The following FBN3 variants were observed in gnomAD, a reference collection of about 807,000 sequenced individuals.
FBN3 encodes the protein fibrillin 3.
Under a neutral mutation model 330.1 loss-of-function variants are expected in FBN3, and 234 were observed. The observed-to-expected ratio is 0.71, with a 90% CI of 0.64 to 0.79. The LOEUF is 0.79. FBN3 is among the 30% of genes least tolerant of loss of function. The pLI is 0.00. For synonymous variants in FBN3, 1,458 were observed against 1,517.3 expected (o/e 0.96, Z 0.91); for missense variants, 3,606 against 3,886.9 (o/e 0.93, Z 1.92).
chr19:8,069,779 G>A, intron 63 of FBN3, among the ~76,000 whole-genome samples: 1 of 152,086 alleles, frequency 6.6e-6, no homozygotes, highest in Non-Finnish European at 1.5e-5. Flanking sequence ...AGGTGGAGGG[G>A]GTCTCACTAT....
intron 32 of FBN3, 142 bp from the exon 33 acceptor site, chr19:8,111,325 G>T (rs887981213): frequency 1.8e-6 from 2 of 1,091,134 alleles, no homozygotes; most frequent in Non-Finnish European, 2.6e-6. Context: ...TCCCTGACTT[G>T]GGGGTGGGAG....
chr19:8,139,954 C>G (rs1430897647), intron 8 of FBN3, among the ~76,000 whole-genome samples: 2 of 151,766 alleles, frequency 1.3e-5, no homozygotes, highest in Non-Finnish European at 2.9e-5. Flanking sequence ...ACCTGGGGGC[C>G]CCCCAGGTAC....
intron 18 of FBN3, among the ~76,000 whole-genome samples, chr19:8,128,100 C>T (rs902034905): frequency 6.6e-6 from 1 of 152,208 alleles, no homozygotes; most frequent in African/African-American, 2.4e-5. Flanking sequence ...TGTGGAACTT[C>T]CGTGCCTGCT....
Position 8,111,025 on chromosome 19 carries a change from C to T in FBN3, c.4210+33G>A, listed in dbSNP as rs759602351. The T allele has an allele frequency of 3.7e-6, 6 of 1,613,838 alleles. No individual in the cohort carries two copies. The South Asian group carries it at 5.5e-5, about 15-fold the overall frequency. On this transcript the variant is annotated intron_variant, in intron 33 of 63. Transcript: ENST00000600128. ...AGAGTCTGCAGGGGGGACCTACCCA[C>T]TCTGTCCTCTGCCCTGGCGGGCCCA...
At chr19:8,070,003 C>G (rs889049202) in intron 63 of FBN3, among the ~76,000 whole-genome samples, 1 of 152,204 alleles carries the variant, frequency 6.6e-6, no homozygotes, top group Non-Finnish European at 1.5e-5. Context: ...CCCTGACAAC[C>G]ACTCACTCAC....
rs201012994 is a variant in FBN3 at position 8,106,175 on chromosome 19, C to T, written c.4746G>A (p.Thr1582=). Residue 1582 remains threonine, a synonymous_variant, in exon 38 of 64, where the codon ACG becomes ACA. Transcript: ENST00000600128. ...GGCACTCACACTGGAAACTGCCAAA[C>T]GTGTTGACGCAGTCACCCCCCTGAC... ...GLCQGGDCVN[T]FGSFQCECPP... is the part of the protein sequence containing the mutation. The T allele has an allele frequency of 6.0e-5, 97 of 1,614,138 alleles. No individual in the cohort carries two copies. Among genetic ancestry groups the T allele is most frequent in the East Asian group, 2.5e-4 (11 of 44,878 alleles).
rs1286925922 is a variant in FBN3 at position 8,146,140 on chromosome 19, G to A, written c.336C>T (p.Cys112=). 6 of 1,595,986 alleles carry A rather than the reference G, an allele frequency of 3.8e-6. No individual in the cohort carries two copies. The highest frequency in any genetic ancestry group is 1.8e-5 in the Admixed American group (1 of 56,540). The change falls in exon 4 of 64, where the codon TGC becomes TGT. Residue 112 remains cysteine, a synonymous_variant. Transcript: ENST00000600128. The part of the protein sequence containing the change: ...TCADGTLAPS[C]GVSRGSGCSV... ...CTTCCCGCTCACCTCGGCTCACCCC[G>A]CAGCTGGGAGCCAGCGTCCCATCCG...
At chr19:8,093,884 C>T (rs1230042097) in intron 47 of FBN3, among the ~76,000 whole-genome samples, 1 of 152,116 alleles carries the variant, frequency 6.6e-6, no homozygotes, top group Non-Finnish European at 1.5e-5. Context: ...AGATGGAAGC[C>T]TGGATCAGAG....
intron 6 of FBN3, 82 bp from the exon 7 acceptor site, chr19:8,142,219 G>T: frequency 1.8e-6 from 2 of 1,116,644 alleles, no homozygotes; most frequent in Non-Finnish European, 2.6e-6. Context: ...CTTCTCAGCG[G>T]CCCCTGCACC....
At chr19:8,101,656 G>T (rs918947418) in intron 40 of FBN3, among the ~76,000 whole-genome samples, 1 of 151,042 alleles carries the variant, frequency 6.6e-6, no homozygotes, top group East Asian at 2.0e-4. Context: ...GACATTTACC[G>T]ACCCCCTCCC....
Position 8,090,246 on chromosome 19 carries a change from G to C in FBN3, c.6037C>G (p.Arg2013Gly). 8 of 1,613,888 alleles carry C rather than the reference G, an allele frequency of 5.0e-6. No homozygotes were observed. The highest frequency in any genetic ancestry group is 6.8e-6 in the Non-Finnish European group (8 of 1,179,974). Residue 2013 changes from arginine (R) to glycine (G), a missense_variant, in exon 49 of 64, where the codon CGG (arginine) becomes GGG (glycine). By Grantham distance (125) the Arg-to-Gly change is moderately radical. Coordinates refer to ENST00000600128, the MANE Select transcript of FBN3 (RefSeq NM_032447.5). ...AAACGGGTGAAGCAGAAACTCTGCC[G>C]TGTGTCTGTGGGGTGGGGGCTCCAT... The part of the protein sequence containing the change: ...SDNGHRCFDT[R>G]QSFCFTRFEA...
intron 13 of FBN3, 25 bp downstream of exon 13, chr19:8,135,936 G>GGGGGGGGGGGGGGGGGGGC: frequency 1.3e-4 from 85 of 668,764 alleles, no homozygotes; most frequent in Non-Finnish European, 1.8e-4. Flanking sequence ...GGAAGCCCCT[G>GGGGGGGGGGGGGGGGGGGC]CCCACCCGCC....
At chr19:8,072,590 ATAGTG>A (rs1240355176) in intron 62 of FBN3, among the ~76,000 whole-genome samples, 1 of 151,942 alleles carries the variant, frequency 6.6e-6, no homozygotes, top group Admixed American at 6.6e-5. Context: ...GGATGTGTGT[ATAGTG>A]TGAGCACTCA....
At chr19:8,091,046 C>G (rs1411100334) in intron 48 of FBN3, among the ~76,000 whole-genome samples, 1 of 152,172 alleles carries the variant, frequency 6.6e-6, no homozygotes, top group Non-Finnish European at 1.5e-5. Flanking sequence ...ACTGCATGCT[C>G]TGCTCTCACC....
At chr19:8,123,433 G>A (rs1232670919) in intron 24 of FBN3, 31 bp downstream of exon 24, 10 of 1,605,782 alleles carry the variant, frequency 6.2e-6, no homozygotes, top group South Asian at 5.5e-5. Context: ...CAAGGATCAC[G>A]CTCTCTCCAA....
At chr19:8,111,615 A>AGG in intron 32 of FBN3, 33 bp downstream of exon 32, 2 of 1,456,998 alleles carry the variant, frequency 1.4e-6, no homozygotes, top group East Asian at 2.4e-5. Context: ...CTGTCCCTCT[A>AGG]GGGCCCCTGC....
chr19:8,136,041 C>A lies in FBN3; in HGVS notation c.1511G>T (p.Arg504Leu), dbSNP rs188383764. The change falls in exon 13 of 64, where the codon CGC becomes CTC. Residue 504 changes from arginine to leucine, a missense_variant. Physicochemically the swap from Arg to Leu is moderately radical, Grantham distance 102. Coordinates refer to ENST00000600128, the MANE Select transcript of FBN3 (RefSeq NM_032447.5). ...IVSGGLCHLG[R>L]CVNTEGSFQC... ...GAAGCTGCCCTCTGTGTTGACACAGCGGCCCAGGTGACAAAGGCCACCACT... is the reference window on the plus strand; with the variant it reads ...GAAGCTGCCCTCTGTGTTGACACAGAGGCCCAGGTGACAAAGGCCACCACT... The A allele has an allele frequency of 2.2e-5, 35 of 1,609,318 alleles. No individual in the cohort carries two copies. Among genetic ancestry groups the A allele is most frequent in the Non-Finnish European group, 3.0e-5 (35 of 1,177,708 alleles).
intron 54 of FBN3, 83 bp from the exon 55 acceptor site, chr19:8,086,408 T>C: frequency 2.2e-6 from 2 of 908,696 alleles, no homozygotes; most frequent in South Asian, 3.4e-5. Context: ...CCCCTTTGGA[T>C]CTGCCCAGGC....
Position 8,131,315 on chromosome 19 carries a change from G to C in FBN3, c.1991-27C>G, listed in dbSNP as rs747079086. 2 of 1,608,690 alleles carry C rather than the reference G, an allele frequency of 1.2e-6. No individual in the cohort carries two copies. Among genetic ancestry groups the C allele is most frequent in the Non-Finnish European group, 1.7e-6 (2 of 1,177,836 alleles). ...TGGGGATGGAGGGACAGAGTGAGAC[G>C]GGTCAGGGAGCTTAGCCATGGCTCG... On this transcript the variant is annotated intron_variant, in intron 15 of 63. Coordinates refer to ENST00000600128, the MANE Select transcript of FBN3 (RefSeq NM_032447.5). This position sits in a 1 kb window ranked among gnomAD's most constrained non-coding sequence, Gnocchi z 4.5.
Sources: gnomAD v4.1 joint callset for allele counts (sites outside exome capture counted in the v4.1 genomes callset) on GRCh38, gnomAD v4.1.1 for gene constraint, Gnocchi (gnomAD v3.1) non-coding constraint, MANE v1.5 for transcripts, NCBI Gene and HGNC (gene_info 2026-07-23, HGNC 2026-07-21) for gene names.